The following L3MBTL4 variants were observed in gnomAD, a reference collection of about 807,000 sequenced individuals.
The protein encoded by L3MBTL4 is L3MBTL histone methyl-lysine binding protein 4, also known as lethal(3)malignant brain tumor-like protein 4.
L3MBTL4 carries 70 observed loss-of-function variants against 84.5 expected under a neutral mutation model. The ratio of observed to expected loss-of-function variants is 0.83; its 90% CI spans 0.68 to 1.01. The LOEUF is 1.01. Among genes scored for constraint, L3MBTL4 ranks in the 50% least tolerant of loss-of-function variants. L3MBTL4 has a pLI of 0.00. For synonymous variants in L3MBTL4, 274 were observed against 259.8 expected (o/e 1.05, Z -0.52); for missense variants, 715 against 754.8 (o/e 0.95, Z 0.62).
At chr18:6,116,348 G>C (rs1302952076) in intron 14 of L3MBTL4, among the ~76,000 whole-genome samples, 1 of 147,538 alleles carries the variant, frequency 6.8e-6, no homozygotes, top group East Asian at 2.1e-4. Flanking sequence ...TTGTTGTTGT[G>C]GTTGTTGCTG....
intron 16 of L3MBTL4, among the ~76,000 whole-genome samples, chr18:6,051,064 C>T (rs1330518926): frequency 6.6e-6 from 1 of 152,110 alleles, no homozygotes; most frequent in Non-Finnish European, 1.5e-5. Flanking sequence ...AGGCACATCC[C>T]GCAGAACTCC....
At chr18:6,153,517 A>G (rs542866306) in intron 13 of L3MBTL4, among the ~76,000 whole-genome samples, 3 of 152,150 alleles carry the variant, frequency 2.0e-5, no homozygotes, top group Non-Finnish European at 2.9e-5. Context: ...GTGTATAAAG[A>G]CCCAACTGAT....
At chr18:6,163,881 G>C (rs1276263268) in intron 13 of L3MBTL4, among the ~76,000 whole-genome samples, 3 of 152,170 alleles carry the variant, frequency 2.0e-5, no homozygotes, top group Non-Finnish European at 2.9e-5. Flanking sequence ...GCAGGGCGAG[G>C]CATCAACTCA....
chr18:6,275,843 G>C (rs2049057318), intron 4 of L3MBTL4, among the ~76,000 whole-genome samples: 1 of 152,170 alleles, frequency 6.6e-6, no homozygotes, highest in Non-Finnish European at 1.5e-5. Context: ...TACTGTGAAA[G>C]GAAAAGAAAA....
In L3MBTL4 at chr18:6,263,943, T is replaced by C; in HGVS notation, c.219+4A>G. On this transcript the variant is annotated splice_donor_region_variant and intron_variant, in intron 5 of 18. Transcript: ENST00000317931. ...GCAAAAATATAAGTCCTTCAGTGGC[T>C]GACCTTGGAAAACAGCTCAACAGGT... The C allele has an allele frequency of 6.2e-7, 1 of 1,609,434 alleles. No individual in the cohort carries two copies. The highest frequency in any genetic ancestry group is 1.1e-5 in the South Asian group (1 of 90,984).
chr18:6,222,429 T>C (rs16949684), intron 10 of L3MBTL4, among the ~76,000 whole-genome samples: 1,941 of 152,280 alleles, frequency 0.013, 45 homozygotes, highest in African/African-American at 0.044. Flanking sequence ...TCTGGCGAGA[T>C]CACCAGAAAA....
At chr18:6,350,165 CAT>C (rs147526047) in intron 1 of L3MBTL4, among the ~76,000 whole-genome samples, 1,891 of 152,094 alleles carry the variant, frequency 0.012, 32 homozygotes, top group African/African-American at 0.044. Context: ...TAGAAGAAAA[CAT>C]AAGTGAAAAC....
chr18:6,262,686 G>T (rs1413867007), intron 5 of L3MBTL4, among the ~76,000 whole-genome samples: 1 of 152,110 alleles, frequency 6.6e-6, no homozygotes, highest in Non-Finnish European at 1.5e-5. Context: ...TGGTGCAAAG[G>T]CTGGGTTAAG....
chr18:6,059,588 G>C (rs552224583), intron 16 of L3MBTL4, among the ~76,000 whole-genome samples: 1 of 151,418 alleles, frequency 6.6e-6, no homozygotes, highest in South Asian at 2.1e-4. Flanking sequence ...TTTTTTGAAG[G>C]ATAATACAGA....
chr18:6,010,273 G>C (rs2054674672), intron 16 of L3MBTL4, among the ~76,000 whole-genome samples: 1 of 152,136 alleles, frequency 6.6e-6, no homozygotes, highest in Non-Finnish European at 1.5e-5. Flanking sequence ...TCACCAAGTT[G>C]GAGTTTAGAG....
chr18:6,292,089 C>T (rs909649826), intron 4 of L3MBTL4, among the ~76,000 whole-genome samples: 3 of 152,162 alleles, frequency 2.0e-5, no homozygotes, highest in Admixed American at 6.5e-5. Flanking sequence ...TTGATCTTTA[C>T]AAATTATATC....
chr18:6,003,104 T>A (rs1038594913), intron 16 of L3MBTL4, among the ~76,000 whole-genome samples: 1 of 101,934 alleles, frequency 9.8e-6, no homozygotes, highest in African/African-American at 3.9e-5. Flanking sequence ...TATCTCTATT[T>A]ATAGAGATAC....
At chr18:6,382,763 A>C (rs1358803170) in intron 1 of L3MBTL4, among the ~76,000 whole-genome samples, 1 of 151,612 alleles carries the variant, frequency 6.6e-6, no homozygotes, top group African/African-American at 2.4e-5. Flanking sequence ...CTACTCGGAG[A>C]TGTCTCCCAG....
chr18:6,275,766 T>C (rs1455499410), intron 4 of L3MBTL4, among the ~76,000 whole-genome samples: 1 of 152,174 alleles, frequency 6.6e-6, no homozygotes, highest in Non-Finnish European at 1.5e-5. Flanking sequence ...GTTTTATTCA[T>C]GTATGACAAG....
chr18:6,197,497 T>G (rs1053116327), intron 12 of L3MBTL4, among the ~76,000 whole-genome samples: 1 of 152,242 alleles, frequency 6.6e-6, no homozygotes. Flanking sequence ...CCACATTTTC[T>G]TTTTCCAGTC....
intron 14 of L3MBTL4, among the ~76,000 whole-genome samples, chr18:6,101,605 A>G (rs936393216): frequency 2.0e-5 from 3 of 152,164 alleles, no homozygotes; most frequent in Admixed American, 6.5e-5. Flanking sequence ...TCTAAGCCCA[A>G]TCCTTACCCT....
At chr18:6,345,417 C>CA (rs1324398464) in intron 1 of L3MBTL4, among the ~76,000 whole-genome samples, 3 of 149,774 alleles carry the variant, frequency 2.0e-5, no homozygotes, top group Non-Finnish European at 4.5e-5. Context: ...AACAAACAAA[C>CA]AAACAAAAAA....
At chr18:6,405,720 A>G (rs2144698051) in intron 1 of L3MBTL4, among the ~76,000 whole-genome samples, 1 of 136,164 alleles carries the variant, frequency 7.3e-6, no homozygotes, top group Middle Eastern at 4.2e-3. Flanking sequence ...TGTGAATAGT[A>G]AGGCATTTCT....
At position 6,215,776 on chromosome 18, in the gene L3MBTL4, C is replaced by A. The variant is rs778158617; in HGVS notation, c.844G>T (p.Ala282Ser). The A allele has an allele frequency of 1.9e-6, 3 of 1,606,610 alleles. No homozygotes were observed. The South Asian group carries it at 3.4e-5, about 18-fold the overall frequency. The change falls in exon 11 of 19, where the codon GCA becomes TCA. Residue 282 changes from alanine to serine, a missense_variant. Coordinates refer to ENST00000317931, the MANE Select transcript of L3MBTL4 (RefSeq NM_001330559.2). ...ATTTTAAAAACTTTGGCAGGAACTG[C>A]ATTGGTTTGAGTAGCTTCCAGGTAT... is the stretch of plus-strand genomic sequence containing the variant. Reference protein sequence around the residue: ...TEYLEATQTNAVPAKVFKMRL... With the variant: ...TEYLEATQTNSVPAKVFKMRL...
Sources: gnomAD v4.1 joint callset for allele counts (sites outside exome capture counted in the v4.1 genomes callset) on GRCh38, gnomAD v4.1.1 for gene constraint, MANE v1.5 for transcripts, NCBI Gene and HGNC (gene_info 2026-07-23, HGNC 2026-07-21) for gene names.